MSLN: variants seen among roughly 807,000 people sequenced by gnomAD.
The protein encoded by MSLN is CAK1 antigen.
Under a neutral mutation model 72.6 loss-of-function variants are expected in MSLN, and 82 were observed. The observed-to-expected ratio is 1.13, with a 90% CI of 0.94 to 1.36. The LOEUF (loss-of-function observed/expected upper bound fraction) is 1.36. Among genes scored for constraint, MSLN ranks in the 40% most tolerant of loss-of-function variants. The probability of loss-of-function intolerance (pLI) is 0.00; values close to 1 mark genes in which losing one functional copy is unlikely to be tolerated. For synonymous variants in MSLN, 456 were observed against 387.3 expected (o/e 1.18, Z -2.08); for missense variants, 1,005 against 847.9 (o/e 1.19, Z -2.30).
At chr16:768,304 A>G in intron 16 of MSLN, 75 bp from the exon 17 acceptor site, 1 of 1,434,292 alleles carries the variant, frequency 7.0e-7, no homozygotes, top group Non-Finnish European at 9.2e-7. Context: ...GTTTGGACAC[A>G]GGAGAGCCTG....
chr16:768,760 C>T lies in MSLN; in HGVS notation c.*27C>T. 1 of 1,605,722 alleles carries T rather than the reference C, an allele frequency of 6.2e-7. No individual in the cohort carries two copies. Among genetic ancestry groups the T allele is most frequent in the Non-Finnish European group, 8.5e-7 (1 of 1,176,658 alleles). ...GGCCCCACTCCCTTGCTGGCCCCAG[C>T]CCTGCTGGGGATCCCCGCCTGGCCA... is the stretch of plus-strand genomic sequence containing the variant. On this transcript the variant is annotated 3_prime_UTR_variant, in exon 18 of 18. Transcript: ENST00000545450.
intron 3 of MSLN, 64 bp downstream of exon 3, chr16:762,829 CCAG>C: frequency 7.3e-6 from 10 of 1,373,918 alleles, no homozygotes; most frequent in Non-Finnish European, 9.9e-6. Flanking sequence ...GGCCAGGCCC[CCAG>C]CAAGGCTTTG....
intron 7 of MSLN, 50 bp from the exon 8 acceptor site, chr16:764,857 G>A (rs767769024): frequency 8.7e-6 from 14 of 1,600,948 alleles, no homozygotes; most frequent in Non-Finnish European, 1.2e-5. Context: ...CTCTCAGGGT[G>A]GGGACGGGTG....
rs961830263 is a variant in MSLN at position 762,052 on chromosome 16, G to A, written c.-9-620G>A. The stretch of plus-strand genomic sequence containing the variant: ...CAGGCCCCACCCTAGAGAGTACAAG[G>A]GGCTCCCCAGGCTGCTCACTGGCCC... On this transcript the variant is annotated intron_variant, in intron 2 of 17. Transcript: ENST00000545450. Among the ~76,000 whole-genome samples the A allele has an allele frequency of 2.0e-5, 3 of 152,234 alleles. No individual in the cohort carries two copies. In the East Asian group the frequency reaches 5.8e-4, roughly 29 times the overall value.
At position 766,045 on chromosome 16, in the gene MSLN, C is replaced by A; in HGVS notation, c.896-14C>A. ...CGAACTCCGGCCCTGACCCCTGACCCCTGTGCCCTGCAGAGACAGCCTGTC... is the reference window on the plus strand; with the variant it reads ...CGAACTCCGGCCCTGACCCCTGACCACTGTGCCCTGCAGAGACAGCCTGTC... On this transcript the variant is annotated splice_polypyrimidine_tract_variant and intron_variant, in intron 11 of 17. Transcript: ENST00000545450. 1 of 1,599,936 alleles carries A rather than the reference C, an allele frequency of 6.3e-7. No homozygotes were observed.
intron 8 of MSLN, 29 bp from the exon 9 acceptor site, chr16:765,081 C>T (rs370951021): frequency 2.5e-6 from 4 of 1,606,438 alleles, no homozygotes; most frequent in Non-Finnish European, 3.4e-6. Context: ...TCGGCAGTTC[C>T]AAAAGCGCTG....
In MSLN at chr16:767,017, G is replaced by A. The variant is rs1339098875; in HGVS notation, c.1501+5G>A. 3.1e-6 allele frequency: 3 copies of A among 957,522 alleles called. No individual in the cohort carries two copies. In the South Asian group the frequency reaches 6.0e-5, roughly 19 times the overall value. The allele number at this position is 957,522 out of a possible 1,614,324, so 59.3% of individuals were successfully genotyped here. On this transcript the variant is annotated splice_donor_5th_base_variant and intron_variant, in intron 15 of 17. Coordinates refer to ENST00000545450, the MANE Select transcript of MSLN (RefSeq NM_005823.6). Reference sequence around the variant, plus strand: ...TGAAGATCCAGTCCTTCCTGGGTGAGCCAGGGAGTCCCTGGCCAGGGTGGG... The same window carrying A: ...TGAAGATCCAGTCCTTCCTGGGTGAACCAGGGAGTCCCTGGCCAGGGTGGG...
rs1429708864 is a variant in MSLN, at chr16:763,248, C to T, written c.101C>T (p.Ser34Leu). 5.2e-6 allele frequency: 8 copies of T among 1,543,622 alleles called. No homozygotes were observed. The highest frequency in any genetic ancestry group is 2.4e-5 in the East Asian group (1 of 40,858). ...LLFSLGWVQP[S>L]RTLAGETGQE... Reference sequence around the variant, plus strand: ...GCCCCTTTAGGATGGGTGCAGCCCTCGAGGACCCTGGCTGGAGAGACAGGG... The same window carrying T: ...GCCCCTTTAGGATGGGTGCAGCCCTTGAGGACCCTGGCTGGAGAGACAGGG... Residue 34 changes from serine (S) to leucine (L), a missense_variant, in exon 4 of 18, where the codon TCG becomes TTG. Physicochemically the swap from Ser to Leu is moderately radical, Grantham distance 145. Coordinates refer to ENST00000545450, the MANE Select transcript of MSLN (RefSeq NM_005823.6).
chr16:768,341 G>A (rs1021105078), intron 16 of MSLN, 38 bp from the exon 17 acceptor site: 1 of 1,496,508 alleles, frequency 6.7e-7, no homozygotes, highest in Admixed American at 2.3e-5. Context: ...GCTGAGGGAA[G>A]GAGACCCTCC....
chr16:765,861 G>A, intron 11 of MSLN, 71 bp downstream of exon 11: 1 of 1,456,314 alleles, frequency 6.9e-7, no homozygotes. Context: ...TCACTTTAGG[G>A]TCTCACCTGC....
intron 9 of MSLN, 72 bp from the exon 10 acceptor site, chr16:765,455 G>T: frequency 6.8e-7 from 1 of 1,472,688 alleles, no homozygotes; most frequent in Non-Finnish European, 9.1e-7. Flanking sequence ...CAGCCAGGGG[G>T]TACGGCCTGG....
In MSLN at chr16:765,759, C is replaced by T. The variant is rs1460266988; in HGVS notation, c.864C>T (p.Ile288=). The T allele has an allele frequency of 1.1e-5, 18 of 1,600,206 alleles. No individual in the cohort carries two copies. The highest frequency in any genetic ancestry group is 1.6e-4 in the Middle Eastern group (1 of 6,062). The change falls in exon 11 of 18, where the codon ATC becomes ATT. Residue 288 remains isoleucine (I), a synonymous_variant. Transcript: ENST00000545450. Reference sequence around the variant, plus strand: ...CCTGGCGGCAGCCTGAACGGACCATCCTCCGGCCGCGGTTCCGGCGGGAAG... The same window carrying T: ...CCTGGCGGCAGCCTGAACGGACCATTCTCCGGCCGCGGTTCCGGCGGGAAG... ...DPSWRQPERT[I]LRPRFRREVE...
At position 764,960 on chromosome 16, in the gene MSLN, C is replaced by T. The variant is rs368819585; in HGVS notation, c.434C>T (p.Thr145Met). 2.7e-5 allele frequency: 43 copies of T among 1,612,360 alleles called. No individual in the cohort carries two copies. The highest frequency in any genetic ancestry group is 1.6e-4 in the Middle Eastern group (1 of 6,082). The change falls in exon 8 of 18, where the codon ACG (threonine) becomes ATG (methionine). Residue 145 changes from threonine to methionine, a missense_variant. Transcript: ENST00000545450. ...TGCACCCGTTTCTTCTCCCGCATCA[C>T]GAAGGCCAATGTGGACCTGCTCCCG... ...QACTRFFSRI[T>M]KANVDLLPRG...
rs777581775 is a variant in MSLN, at chr16:764,095, G to C, written c.252G>C (p.Glu84Asp). The change falls in exon 6 of 18, where the codon GAG becomes GAC. Residue 84 changes from glutamate to aspartate, a missense_variant. Transcript: ENST00000545450. ...GCCTGAGCACGGAGCGTGTCCGGGA[G>C]CTGGCTGTGGCCTTGGCACAGAAGA... Reference protein sequence around the residue: ...VSGLSTERVRELAVALAQKNV... With the variant: ...VSGLSTERVRDLAVALAQKNV... 13 of 1,606,542 alleles carry C rather than the reference G, an allele frequency of 8.1e-6. No individual in the cohort carries two copies. The South Asian group carries it at 1.2e-4, about 15-fold the overall frequency.
intron 9 of MSLN, 84 bp from the exon 10 acceptor site, chr16:765,443 C>T (rs1386548211): frequency 1.0e-5 from 15 of 1,443,430 alleles, no homozygotes; most frequent in Admixed American, 2.1e-5. Flanking sequence ...GCGTCCCCTC[C>T]ACAGCCAGGG....
Position 765,536 on chromosome 16 carries a change from G to T in MSLN, c.714G>T (p.Ser238=), listed in dbSNP as rs774690027. The T allele has an allele frequency of 2.5e-6, 4 of 1,605,962 alleles. No individual in the cohort carries two copies. The highest frequency in any genetic ancestry group is 3.4e-6 in the Non-Finnish European group (4 of 1,178,838). ...TCCCGTGTCTGCACAGCCCCCCGTC[G>T]ACATGGTCTGTCTCCACGATGGACG... The part of the protein sequence containing the change: ...QGGGPPYGPP[S]TWSVSTMDAL... The change falls in exon 10 of 18, where the codon TCG becomes TCT. Residue 238 remains serine, a synonymous_variant. Coordinates refer to ENST00000545450, the MANE Select transcript of MSLN (RefSeq NM_005823.6).
intron 2 of MSLN, 102 bp from the exon 3 acceptor site, chr16:762,570 G>T (rs924578071): frequency 1.2e-6 from 1 of 846,500 alleles, no homozygotes. Flanking sequence ...ACAGAAGTTT[G>T]CTCTGGGAGC....
chr16:766,116 A>G lies in MSLN; in HGVS notation c.953A>G (p.Tyr318Cys). ...GAGATAGACGAGAGCCTCATCTTCT[A>G]CAAGAAGTGGGAGCTGGAAGCCTGC... is the stretch of plus-strand genomic sequence containing the variant. ...AREIDESLIFYKKWELEACVD... is the reference protein window; with the variant it reads ...AREIDESLIFCKKWELEACVD... Residue 318 changes from tyrosine (Y) to cysteine (C), a missense_variant, in exon 12 of 18, where the codon TAC becomes TGC. By Grantham distance (194) the Tyr-to-Cys change is radical. Transcript: ENST00000545450. The G allele has an allele frequency of 6.2e-7, 1 of 1,612,708 alleles. No homozygotes were observed. The highest frequency in any genetic ancestry group is 2.2e-5 in the East Asian group (1 of 44,886).
At chr16:762,162 G>A (rs1455928413) in intron 2 of MSLN, among the ~76,000 whole-genome samples, 2 of 152,184 alleles carry the variant, frequency 1.3e-5, no homozygotes, top group Non-Finnish European at 2.9e-5. Context: ...GGGAAGGGGC[G>A]GTGGCCTCTG....
Sources: gnomAD v4.1 joint callset for allele counts (sites outside exome capture counted in the v4.1 genomes callset) on GRCh38, gnomAD v4.1.1 for gene constraint, MANE v1.5 for transcripts, NCBI Gene and HGNC (gene_info 2026-07-23, HGNC 2026-07-21) for gene names.